The following ZNF536 variants were observed in gnomAD, a reference collection of about 807,000 sequenced individuals.
ZNF536 encodes zinc finger protein 536.
ZNF536 carries 13 observed loss-of-function variants against 84.5 expected under a neutral mutation model. The observed-to-expected ratio is 0.15, with a 90% CI of 0.10 to 0.24. The LOEUF is 0.24. Among genes scored for constraint, ZNF536 ranks in the 10% least tolerant of loss-of-function variants. The pLI is 1.00. For missense variants in ZNF536, 1,536 were observed against 1,747.5 expected (o/e 0.88, Z 2.16); for synonymous variants, 811 against 742.5 (o/e 1.09, Z -1.50).
At chr19:30,604,779 G>A (rs984070622) in intron 1 of ZNF536, among the ~76,000 whole-genome samples, 2 of 152,150 alleles carry the variant, frequency 1.3e-5, no homozygotes, top group Non-Finnish European at 2.9e-5. Flanking sequence ...CATGAAGAAC[G>A]GACATTCAGA....
At chr19:30,320,398 G>A (rs571332456) in intron 2 of ZNF536, among the ~76,000 whole-genome samples, 6 of 152,300 alleles carry the variant, frequency 3.9e-5, no homozygotes, top group East Asian at 1.9e-4. Context: ...TTTGGGCTAC[G>A]ATTCATCAGG....
At chr19:30,687,236 T>G (rs569140919) in intron 1 of ZNF536, among the ~76,000 whole-genome samples, 4 of 152,206 alleles carry the variant, frequency 2.6e-5, no homozygotes, top group Non-Finnish European at 5.9e-5. Flanking sequence ...TCTTGCTGAC[T>G]TGCAAAACAG....
intron 1 of ZNF536, among the ~76,000 whole-genome samples, chr19:30,590,331 T>C (rs963418708): frequency 9.2e-5 from 14 of 152,208 alleles, no homozygotes; most frequent in Non-Finnish European, 1.8e-4. Flanking sequence ...GGCAGCTGCC[T>C]TATGGTCAAG....
intron 1 of ZNF536, among the ~76,000 whole-genome samples, chr19:30,628,613 T>G (rs2048776789): frequency 6.6e-6 from 1 of 151,992 alleles, no homozygotes; most frequent in Non-Finnish European, 1.5e-5. Flanking sequence ...TATTTTTTAG[T>G]AGAGTCGGGG....
chr19:30,698,467 T>C (rs1191401361), intron 1 of ZNF536, among the ~76,000 whole-genome samples: 1 of 152,216 alleles, frequency 6.6e-6, no homozygotes, highest in East Asian at 1.9e-4. Context: ...GTTTTAGTTT[T>C]TATCCGATGT....
At chr19:30,509,592 A>G (rs2055327439) in intron 2 of ZNF536, among the ~76,000 whole-genome samples, 1 of 151,440 alleles carries the variant, frequency 6.6e-6, no homozygotes, top group Admixed American at 6.6e-5. Context: ...ACATTATGGG[A>G]CATATATAGA....
At chr19:30,414,650 T>G (rs2050636377) in intron 1 of ZNF536, among the ~76,000 whole-genome samples, 2 of 152,212 alleles carry the variant, frequency 1.3e-5, no homozygotes, top group African/African-American at 4.8e-5. Context: ...CCCCATGTCC[T>G]TTGCCTTTCC....
intron 1 of ZNF536, among the ~76,000 whole-genome samples, chr19:30,266,858 A>G (rs2025539766): frequency 6.6e-6 from 1 of 152,148 alleles, no homozygotes; most frequent in Non-Finnish European, 1.5e-5. Flanking sequence ...ACACACACGC[A>G]CTCACACACA....
intron 2 of ZNF536, among the ~76,000 whole-genome samples, chr19:30,457,365 C>T (rs1483888705): frequency 6.6e-6 from 1 of 152,250 alleles, no homozygotes; most frequent in Non-Finnish European, 1.5e-5. Context: ...TGTTCTTTCC[C>T]TGGCTGGGAG....
In ZNF536 at chr19:30,548,231, G is replaced by A. The variant is rs1230854702; in HGVS notation, c.2612G>A (p.Gly871Glu). 6.2e-7 allele frequency: 1 copy of A among 1,614,194 alleles called. No homozygotes were observed. The highest frequency in any genetic ancestry group is 2.2e-5 in the East Asian group (1 of 44,876). ...GTTCTCTCCTCTGGAGATCACTCGG[G>A]GCAGGCCACGGGCATGTCTTCGGAG... ...SGVLSSGDHS[G>E]QATGMSSEVP... is the part of the protein sequence containing the mutation. The change falls in exon 4 of 5, where the codon GGG (glycine) becomes GAG (glutamate). Residue 871 changes from glycine to glutamate, a missense_variant. Physicochemically the swap from Gly to Glu is moderately conservative, Grantham distance 98 (BLOSUM62 -2). Coordinates refer to ENST00000355537, the MANE Select transcript of ZNF536 (RefSeq NM_014717.3).
At chr19:30,424,489 CAG>C (rs2147892361) in intron 1 of ZNF536, among the ~76,000 whole-genome samples, 1 of 152,208 alleles carries the variant, frequency 6.6e-6, no homozygotes, top group East Asian at 1.9e-4. Context: ...GCTGAGCACA[CAG>C]GGATCTGAGT....
chr19:30,516,628 T>C (rs933425115), intron 2 of ZNF536, among the ~76,000 whole-genome samples: 1 of 152,168 alleles, frequency 6.6e-6, no homozygotes, highest in African/African-American at 2.4e-5. Context: ...AGCCCTTCGC[T>C]CGGCTCTGTT....
At chr19:30,667,229 G>T (rs1186638747) in intron 1 of ZNF536, among the ~76,000 whole-genome samples, 2 of 152,158 alleles carry the variant, frequency 1.3e-5, no homozygotes, top group African/African-American at 2.4e-5. Flanking sequence ...TCATTTACAC[G>T]CCTGAACAGG....
At chr19:30,608,088 G>T (rs1201105648) in intron 1 of ZNF536, among the ~76,000 whole-genome samples, 2 of 152,114 alleles carry the variant, frequency 1.3e-5, no homozygotes, top group African/African-American at 4.8e-5. Flanking sequence ...TTGTGCAATT[G>T]TATTTATACA....
chr19:30,576,169 C>A (rs2046727450), intron 1 of ZNF536, among the ~76,000 whole-genome samples: 1 of 152,212 alleles, frequency 6.6e-6, no homozygotes, highest in African/African-American at 2.4e-5. Flanking sequence ...AAAGCCTCTG[C>A]AGAGCATGAG....
Position 30,249,512 on chromosome 19 carries a change from A to G in ZNF536, c.-190+20839A>G, listed in dbSNP as rs192705229. Among the ~76,000 whole-genome samples, 1,085 of 152,132 alleles carry G rather than the reference A, an allele frequency of 7.1e-3. 8 individuals carry two copies. Among genetic ancestry groups the G allele is most frequent in the Middle Eastern group, 0.027 (8 of 294 alleles). On this transcript the variant is annotated intron_variant, in intron 1 of 5. Transcript: ENST00000585628. ...TCATCAGTTTGATTTTCCAAACAAAATATCTGGGGCTCAGAGCACCAAATG... is the reference window on the plus strand; with the variant it reads ...TCATCAGTTTGATTTTCCAAACAAAGTATCTGGGGCTCAGAGCACCAAATG...
At chr19:30,518,700 T>C (rs115751879) in intron 2 of ZNF536, among the ~76,000 whole-genome samples, 1 of 152,180 alleles carries the variant, frequency 6.6e-6, no homozygotes, top group African/African-American at 2.4e-5. Context: ...AATCGAGCAA[T>C]GTGATGTTGC....
chr19:30,610,745 T>C (rs1205435544), intron 1 of ZNF536, among the ~76,000 whole-genome samples: 2 of 152,122 alleles, frequency 1.3e-5, no homozygotes, highest in Admixed American at 6.5e-5. Flanking sequence ...CGACTGTCAT[T>C]GCTGCAGAGT....
intron 2 of ZNF536, among the ~76,000 whole-genome samples, chr19:30,503,844 T>G (rs926029569): frequency 6.6e-6 from 1 of 152,146 alleles, no homozygotes; most frequent in Non-Finnish European, 1.5e-5. Flanking sequence ...AGTGGGATTT[T>G]GGGTAATTTT....
Sources: allele counts gnomAD v4.1 joint callset (sites outside exome capture counted in the v4.1 genomes callset), GRCh38; gene constraint gnomAD v4.1.1; transcripts MANE v1.5; gene names NCBI Gene and HGNC (gene_info 2026-07-23, HGNC 2026-07-21).